Variants in DGKB observed in about 807,000 individuals in gnomAD.
The protein encoded by DGKB is 90 kDa diacylglycerol kinase.
DGKB carries 67 observed loss-of-function variants against 114.3 expected under a neutral mutation model. That is an observed-to-expected ratio of 0.59 (90% CI 0.48 to 0.72). DGKB has a LOEUF of 0.72. DGKB is among the 30% of genes least tolerant of loss of function. DGKB has a pLI of 0.00. For synonymous variants in DGKB, 398 were observed against 323.1 expected (o/e 1.23, Z -2.49); for missense variants, 907 against 975.2 (o/e 0.93, Z 0.93).
At chr7:14,528,940 T>A (rs1009572732) in intron 20 of DGKB, among the ~76,000 whole-genome samples, 10 of 151,970 alleles carry the variant, frequency 6.6e-5, no homozygotes, top group African/African-American at 2.2e-4. Flanking sequence ...TCAAAAAAGA[T>A]GGAGTTCAGA....
At chr7:14,529,305 C>T (rs1199188891) in intron 20 of DGKB, among the ~76,000 whole-genome samples, 1 of 151,824 alleles carries the variant, frequency 6.6e-6, no homozygotes, top group Non-Finnish European at 1.5e-5. Flanking sequence ...TTTGGAGAAA[C>T]TATGGCTTAA....
chr7:14,459,898 C>T (rs1401356382), intron 21 of DGKB, among the ~76,000 whole-genome samples: 1 of 152,142 alleles, frequency 6.6e-6, no homozygotes, highest in African/African-American at 2.4e-5. Flanking sequence ...CAGCAGATCT[C>T]TCTGCAGAAA....
chr7:14,447,013 A>G (rs1237712951), intron 21 of DGKB, among the ~76,000 whole-genome samples: 1 of 152,088 alleles, frequency 6.6e-6, no homozygotes, highest in Non-Finnish European at 1.5e-5. Flanking sequence ...TAAATTAACT[A>G]TGTTTCCTTA....
intron 17 of DGKB, among the ~76,000 whole-genome samples, chr7:14,602,396 T>C (rs1375064475): frequency 6.6e-6 from 1 of 152,194 alleles, no homozygotes; most frequent in African/African-American, 2.4e-5. Flanking sequence ...GGGGACCCAA[T>C]CCAGAATGCT....
At chr7:14,449,257 T>A (rs949415908) in intron 21 of DGKB, among the ~76,000 whole-genome samples, 1 of 152,110 alleles carries the variant, frequency 6.6e-6, no homozygotes, top group Non-Finnish European at 1.5e-5. Flanking sequence ...TAGCCGAGTG[T>A]TAAATGTGGA....
intron 17 of DGKB, among the ~76,000 whole-genome samples, chr7:14,597,458 A>AT (rs1400734250): frequency 6.6e-6 from 1 of 152,168 alleles, no homozygotes; most frequent in East Asian, 1.9e-4. Context: ...TATCAATTTT[A>AT]TCAAATGTAT....
At chr7:14,387,411 CAAAAA>C (rs34477734) in intron 21 of DGKB, among the ~76,000 whole-genome samples, 18 of 102,390 alleles carry the variant, frequency 1.8e-4, no homozygotes, top group Admixed American at 5.2e-4. Context: ...GACTCCATCT[CAAAAA>C]AAAAAAAAAA....
chr7:14,666,772 T>A (rs987581820), intron 13 of DGKB, among the ~76,000 whole-genome samples: 4 of 151,768 alleles, frequency 2.6e-5, no homozygotes, highest in Non-Finnish European at 5.9e-5. Flanking sequence ...ACCAGAACAT[T>A]TTTTTTCTTA....
chr7:14,931,523 T>C (rs1185590695), intron 1 of DGKB, among the ~76,000 whole-genome samples: 1 of 151,966 alleles, frequency 6.6e-6, no homozygotes. Flanking sequence ...ATAGGGGGAG[T>C]GGGGCAGTCC....
chr7:14,195,154 G>A (rs746012253), intron 23 of DGKB, among the ~76,000 whole-genome samples: 23 of 152,126 alleles, frequency 1.5e-4, no homozygotes, highest in African/African-American at 5.3e-4. Context: ...GTTTGTTCTC[G>A]TTAAGCTTTG....
intron 8 of DGKB, among the ~76,000 whole-genome samples, chr7:14,697,743 G>GAAA (rs1824234667): frequency 1.7e-3 from 203 of 119,098 alleles, no homozygotes; most frequent in African/African-American, 6.9e-3. Context: ...GAAAGAAGGA[G>GAAA]GAAAGAAAGA....
intron 9 of DGKB, 38 bp from the exon 10 acceptor site, chr7:14,685,400 A>T: frequency 7.0e-7 from 1 of 1,428,624 alleles, no homozygotes; most frequent in Non-Finnish European, 9.9e-7. Flanking sequence ...TCACTTAATG[A>T]AATAAACAGT....
chr7:14,177,698 T>C (rs925427643), intron 24 of DGKB, among the ~76,000 whole-genome samples: 5 of 152,154 alleles, frequency 3.3e-5, no homozygotes, highest in Non-Finnish European at 7.4e-5. Context: ...TGTCTCATCA[T>C]TGTTTTCATA....
At chr7:14,545,233 C>G (rs191514752) in intron 20 of DGKB, among the ~76,000 whole-genome samples, 82 of 152,050 alleles carry the variant, frequency 5.4e-4, no homozygotes, top group African/African-American at 1.8e-3. Flanking sequence ...TTGCAAAAGA[C>G]AACTCGGGGG....
intron 1 of DGKB, among the ~76,000 whole-genome samples, chr7:14,882,629 TCCACTGTTTATA>T (rs1237946751): frequency 6.6e-6 from 1 of 152,070 alleles, no homozygotes; most frequent in Non-Finnish European, 1.5e-5. Context: ...TGTCTATCAT[TCCACTGTTTATA>T]CCCATGTGCA....
chr7:14,270,525 G>A (rs1275510277), intron 23 of DGKB, among the ~76,000 whole-genome samples: 1 of 152,196 alleles, frequency 6.6e-6, no homozygotes, highest in East Asian at 1.9e-4. Flanking sequence ...AGGAAGGGCT[G>A]TGGTCACATT....
intron 25 of DGKB, among the ~76,000 whole-genome samples, chr7:14,157,909 T>C (rs1451747843): frequency 6.6e-6 from 1 of 152,184 alleles, no homozygotes; most frequent in Non-Finnish European, 1.5e-5. Context: ...ATTTACAACT[T>C]GTGACTTGAC....
At chr7:14,456,170 T>A (rs769396056) in intron 21 of DGKB, among the ~76,000 whole-genome samples, 1 of 152,042 alleles carries the variant, frequency 6.6e-6, no homozygotes, top group African/African-American at 2.4e-5. Context: ...AAGGTATATA[T>A]GAAACATAAG....
chr7:14,951,361 T>C (rs1482821216), intron 1 of DGKB, among the ~76,000 whole-genome samples: 4 of 151,886 alleles, frequency 2.6e-5, no homozygotes, highest in South Asian at 4.1e-4. Context: ...CATAAAGACA[T>C]GGAAGAACAT....
Sources: gnomAD v4.1 joint callset for allele counts (sites outside exome capture counted in the v4.1 genomes callset) on GRCh38, gnomAD v4.1.1 for gene constraint, MANE v1.5 for transcripts, NCBI Gene and HGNC (gene_info 2026-07-23, HGNC 2026-07-21) for gene names.